Variants in TTLL4 observed in about 807,000 individuals in gnomAD.
TTLL4 encodes tubulin tyrosine ligase like 4.
In TTLL4, 85 loss-of-function variants were observed where a neutral mutation model predicts 122.7. That is an observed-to-expected ratio of 0.69 (90% CI 0.58 to 0.83). The LOEUF (loss-of-function observed/expected upper bound fraction) is 0.83. TTLL4 is among the 40% of genes least tolerant of loss of function. TTLL4 has a pLI of 0.00. For missense variants in TTLL4, 1,363 were observed against 1,488.6 expected (o/e 0.92, Z 1.39); for synonymous variants, 553 against 563.0 (o/e 0.98, Z 0.25).
At position 218,747,147 on chromosome 2, in the gene TTLL4, C is replaced by T. The variant is rs778757074; in HGVS notation, c.2119C>T (p.Arg707Cys). ...CCTGCCCCAGGACGCCAAGCTCCTG[C>T]GCAAAGCGTGGGAGAGCAGCAGCCG... Reference protein sequence around the residue: ...FILPQDAKLLRKAWESSSRQK... With the variant: ...FILPQDAKLLCKAWESSSRQK... The change falls in exon 9 of 20, where the codon CGC becomes TGC. Residue 707 changes from arginine (R) to cysteine (C), a missense_variant. This residue lies in a region of TTLL4 where 596 missense variants were observed against 655.8 expected (regional missense o/e 0.91). Coordinates refer to ENST00000392102, the MANE Select transcript of TTLL4 (RefSeq NM_014640.5). The surrounding 1 kb of genome is among the most constrained non-coding windows in gnomAD (Gnocchi z 4.7). 1.1e-5 allele frequency: 18 copies of T among 1,614,088 alleles called. No homozygotes were observed. The highest frequency in any genetic ancestry group is 1.6e-4 in the Middle Eastern group (1 of 6,084).
rs1942577579 is a variant in TTLL4 at position 218,737,966 on chromosome 2, C to T, written c.290C>T (p.Ala97Val). 2 of 1,614,118 alleles carry T rather than the reference C, an allele frequency of 1.2e-6. No individual in the cohort carries two copies. The highest frequency in any genetic ancestry group is 1.1e-5 in the South Asian group (1 of 91,092). The change falls in exon 3 of 20, where the codon GCA (alanine) becomes GTA (valine). Residue 97 changes from alanine to valine, a missense_variant. Physicochemically the swap from Ala to Val is moderately conservative, Grantham distance 64. This residue lies in a region of TTLL4 where 760 missense variants were observed against 808.4 expected (regional missense o/e 0.94). Coordinates refer to ENST00000392102, the MANE Select transcript of TTLL4 (RefSeq NM_014640.5). The stretch of plus-strand genomic sequence containing the variant: ...AGCTCTGGGACCACGGCTGTCATTG[C>T]AGGCCACAGCAGTTCCTGTTACCTA... ...LCSSGTTAVI[A>V]GHSSSCYLHS...
intron 13 of TTLL4, 134 bp from the exon 14 acceptor site, chr2:218,749,119 A>C: frequency 7.5e-7 from 1 of 1,336,450 alleles, no homozygotes; most frequent in Non-Finnish European, 1.0e-6. Flanking sequence ...CCCAGATCAG[A>C]GGTGTCACTT....
intron 1 of TTLL4, among the ~76,000 whole-genome samples, chr2:218,721,865 G>C (rs1202581873): frequency 6.6e-6 from 1 of 152,080 alleles, no homozygotes; most frequent in Non-Finnish European, 1.5e-5. Flanking sequence ...GCTCATACCT[G>C]TAATCTCAGC....
At chr2:218,748,445 A>T (rs1942909658) in intron 12 of TTLL4, 2 of 630,770 alleles carry the variant, frequency 3.2e-6, no homozygotes, top group Admixed American at 6.4e-5. Flanking sequence ...ACCTGAGTTC[A>T]GGAGTACAGG....
rs115360760 is a variant in TTLL4, at chr2:218,745,194, G to A, written c.1747G>A (p.Val583Ile). Residue 583 changes from valine to isoleucine, a missense_variant, in exon 6 of 20, where the codon GTT becomes ATT. Physicochemically the swap from Val to Ile is conservative, Grantham distance 29. This residue lies in a region of TTLL4 where 760 missense variants were observed against 808.4 expected (regional missense o/e 0.94). Coordinates refer to ENST00000392102, the MANE Select transcript of TTLL4 (RefSeq NM_014640.5). ...PALIYSLFPN[V>I]PPTIYFGTRD... is the part of the protein sequence containing the mutation. Reference sequence around the variant, plus strand: ...CCTCATCTACAGTCTCTTTCCCAACGTTCCCCCTACCATCTATTTTGGCAC... The same window carrying A: ...CCTCATCTACAGTCTCTTTCCCAACATTCCCCCTACCATCTATTTTGGCAC... 1.4e-5 allele frequency: 22 copies of A among 1,613,792 alleles called. No homozygotes were observed. Among genetic ancestry groups the A allele is most frequent in the Middle Eastern group, 1.6e-4 (1 of 6,084 alleles).
At chr2:218,741,803 A>T (rs1457714678) in intron 5 of TTLL4, among the ~76,000 whole-genome samples, 1 of 152,208 alleles carries the variant, frequency 6.6e-6, no homozygotes, top group Non-Finnish European at 1.5e-5. Context: ...GGCCTACTTC[A>T]GGACTGCTAC....
chr2:218,739,533 C>T (rs1157021219), intron 3 of TTLL4, among the ~76,000 whole-genome samples: 1 of 152,162 alleles, frequency 6.6e-6, no homozygotes, highest in Non-Finnish European at 1.5e-5. Context: ...AAGTAAAAAC[C>T]AGGAGAGAAA....
chr2:218,752,986 C>T lies in TTLL4; in HGVS notation c.3187+13C>T, dbSNP rs1559376337. The T allele has an allele frequency of 6.2e-7, 1 of 1,614,166 alleles. No homozygotes were observed. Among genetic ancestry groups the T allele is most frequent in the South Asian group, 1.1e-5 (1 of 91,082 alleles). On this transcript the variant is annotated intron_variant, in intron 17 of 19. Transcript: ENST00000392102. ...AACAAGCTTAAAGGTGATGTGCCCT[C>T]CCTGCCCTCAGAAAGCCAAGTTTAG...
chr2:218,748,533 C>T (rs1482116684), intron 12 of TTLL4: 1 of 433,498 alleles, frequency 2.3e-6, no homozygotes, highest in Non-Finnish European at 4.1e-6. Context: ...CAGGCGCCTA[C>T]AATCCCAGCT....
intron 3 of TTLL4, among the ~76,000 whole-genome samples, chr2:218,739,814 A>G (rs1040478607): frequency 4.6e-5 from 7 of 152,246 alleles, no homozygotes; most frequent in African/African-American, 1.7e-4. Context: ...CTTATATGCT[A>G]TGAGGGACAC....
rs752724341 is a variant in TTLL4 at position 218,740,044 on chromosome 2, ATTCT to A, written c.1488-7_1488-4del. On this transcript the variant is annotated splice_polypyrimidine_tract_variant and intron_variant, in intron 3 of 19. Coordinates refer to ENST00000392102, the MANE Select transcript of TTLL4 (RefSeq NM_014640.5). ...TGGAGTTGACTAGGCTGGGGGCATG[ATTCT>A]TTCTTTTAGTTCAGCTACTGACCTC... The A allele has an allele frequency of 6.8e-6, 11 of 1,612,890 alleles. No individual in the cohort carries two copies. Among genetic ancestry groups the A allele is most frequent in the East Asian group, 6.7e-5 (3 of 44,874 alleles).
chr2:218,731,479 C>T (rs1018466599), intron 2 of TTLL4, among the ~76,000 whole-genome samples: 2 of 152,158 alleles, frequency 1.3e-5, no homozygotes, highest in South Asian at 4.2e-4. Flanking sequence ...AAGAACATTG[C>T]TTGTCCTCGC....
At chr2:218,739,254 G>C (rs751678619) in intron 3 of TTLL4, 91 bp downstream of exon 3, 42 of 1,460,026 alleles carry the variant, frequency 2.9e-5, no homozygotes, top group Non-Finnish European at 3.3e-5. Flanking sequence ...CTGAAGGTTG[G>C]TTTTATTTTT....
downstream of TTLL4, among the ~76,000 whole-genome samples, chr2:218,755,995 G>A (rs902357132): frequency 6.6e-6 from 1 of 152,130 alleles, no homozygotes; most frequent in Non-Finnish European, 1.5e-5. Flanking sequence ...CTTTAAAGTC[G>A]GGCCATAATG....
At chr2:218,720,617 C>T (rs146387945) in intron 1 of TTLL4, among the ~76,000 whole-genome samples, 6 of 147,328 alleles carry the variant, frequency 4.1e-5, no homozygotes, top group East Asian at 4.0e-4. Context: ...GAGGTTGCAG[C>T]GAGCCGAGAT....
At chr2:218,749,968 G>A (rs769444868) in intron 14 of TTLL4, 41 bp from the exon 15 acceptor site, 13 of 1,606,684 alleles carry the variant, frequency 8.1e-6, no homozygotes, top group Admixed American at 6.7e-5. Flanking sequence ...AGACTGTTTC[G>A]GAGTGCTGCT....
intron 1 of TTLL4, among the ~76,000 whole-genome samples, chr2:218,726,286 T>A (rs1942190782): frequency 6.6e-6 from 1 of 152,210 alleles, no homozygotes; most frequent in Non-Finnish European, 1.5e-5. Flanking sequence ...TGGAGCTCCC[T>A]TATATGTATT....
At chr2:218,719,020 T>C (rs1271588094) in intron 1 of TTLL4, among the ~76,000 whole-genome samples, 2 of 152,236 alleles carry the variant, frequency 1.3e-5, no homozygotes, top group East Asian at 3.8e-4. Flanking sequence ...TCTTCACTCT[T>C]ACCCCTTTAT....
chr2:218,751,842 A>C (rs1943023287), intron 16 of TTLL4, 36 bp downstream of exon 16: 2 of 1,552,518 alleles, frequency 1.3e-6, no homozygotes, highest in Admixed American at 3.7e-5. Context: ...GCTAGCAGAA[A>C]ACTTCCCTGG....
Sources: allele counts gnomAD v4.1 joint callset (sites outside exome capture counted in the v4.1 genomes callset), GRCh38; gene constraint gnomAD v4.1.1; regional missense constraint gnomAD v4.1.1; non-coding constraint Gnocchi (gnomAD v3.1); transcripts MANE v1.5; gene names NCBI Gene and HGNC (gene_info 2026-07-23, HGNC 2026-07-21).